The following CADPS variants were observed in gnomAD, a reference collection of about 807,000 sequenced individuals.
CADPS encodes calcium dependent secretion activator.
In CADPS, 57 loss-of-function variants were observed where a neutral mutation model predicts 167.3. The ratio of observed to expected loss-of-function variants is 0.34; its 90% CI spans 0.28 to 0.42. The LOEUF (loss-of-function observed/expected upper bound fraction) is 0.42, where lower values mean the gene tolerates loss of function less well. Among genes scored for constraint, CADPS ranks in the 20% least tolerant of loss-of-function variants. The probability of loss-of-function intolerance (pLI) is 1.00; values close to 1 mark genes in which losing one functional copy is unlikely to be tolerated. For missense variants in CADPS, 1,414 were observed against 1,738.1 expected (o/e 0.81, Z 3.32); for synonymous variants, 676 against 635.3 (o/e 1.06, Z -0.96).
chr3:62,474,167 T>TTTTTGTTTTTTTTTTTTTTG lies in CADPS; in HGVS notation c.3477+5_3477+6insCAAAAAAAAAAAAAACAAAA. 6.8e-7 allele frequency: 1 copy of TTTTTGTTTTTTTTTTTTTTG among 1,463,448 alleles called. No homozygotes were observed. The highest frequency in any genetic ancestry group is 9.1e-7 in the Non-Finnish European group (1 of 1,102,676). 90.7% of individuals were successfully genotyped at this position (1,463,448 alleles called of 1,614,324 possible). A position where few individuals can be genotyped will look rare whatever the true frequency, so the allele number is the denominator to read the frequency against. On this transcript the variant is annotated splice_donor_region_variant and intron_variant, in intron 24 of 29. Coordinates refer to ENST00000383710, the MANE Select transcript of CADPS (RefSeq NM_003716.4). ...AAAAAATCTGTATTTTTTTTTTTTT[T>TTTTTGTTTTTTTTTTTTTTG]TTTACCTCTTGGCCCATTTCCATGC... is the stretch of plus-strand genomic sequence containing the variant.
intron 13 of CADPS, among the ~76,000 whole-genome samples, chr3:62,524,576 A>G (rs1371082570): frequency 1.3e-5 from 2 of 152,208 alleles, no homozygotes; most frequent in Non-Finnish European, 2.9e-5. Context: ...GGGCAAAAAT[A>G]CACCAGTGAG....
intron 13 of CADPS, among the ~76,000 whole-genome samples, chr3:62,522,127 A>G (rs1423817526): frequency 2.0e-5 from 3 of 151,560 alleles, no homozygotes; most frequent in Non-Finnish European, 4.4e-5. Context: ...CTATCTATCT[A>G]TCTATCTATC....
At chr3:62,679,970 T>G (rs2076895832) in intron 3 of CADPS, among the ~76,000 whole-genome samples, 1 of 151,936 alleles carries the variant, frequency 6.6e-6, no homozygotes, top group African/African-American at 2.4e-5. Flanking sequence ...TATATAAAGA[T>G]CCTTCCATAA....
intron 3 of CADPS, among the ~76,000 whole-genome samples, chr3:62,674,351 G>A (rs1341456060): frequency 6.6e-6 from 1 of 152,084 alleles, no homozygotes; most frequent in Non-Finnish European, 1.5e-5. Context: ...CCAGTCCCAG[G>A]CTGATCATTA....
At chr3:62,622,798 A>C (rs1241094837) in intron 6 of CADPS, among the ~76,000 whole-genome samples, 1 of 152,288 alleles carries the variant, frequency 6.6e-6, no homozygotes, top group African/African-American at 2.4e-5. Context: ...AATGTTCCCT[A>C]AAGTTTGACA....
rs191992633 is a variant in CADPS, at chr3:62,862,057, C to T, written c.441+12532G>A. On this transcript the variant is annotated intron_variant, in intron 1 of 29. Transcript: ENST00000383710. ...ACTGGAGCCTTGGAACTCTCCAAGG[C>T]GCTAAAAAAAAAAATCCAAGATCCT... 3.6e-3 allele frequency among the ~76,000 whole-genome samples: 544 copies of T among 149,510 alleles called. 3 individuals are homozygous for T. Among genetic ancestry groups the T allele is most frequent in the African/African-American group, 0.012 (505 of 40,640 alleles).
chr3:62,614,535 T>A lies in CADPS; in HGVS notation c.1326-21787A>T, dbSNP rs547131891. 2.6e-5 allele frequency among the ~76,000 whole-genome samples: 4 copies of A among 152,322 alleles called. No homozygotes were observed. The East Asian group carries it at 7.7e-4, about 29-fold the overall frequency. ...ACACACTAAAAGCGTAGCTCCTTTATCTTGTCCCTTGCCTCAGTTTCAGGC... is the reference window on the plus strand; with the variant it reads ...ACACACTAAAAGCGTAGCTCCTTTAACTTGTCCCTTGCCTCAGTTTCAGGC... On this transcript the variant is annotated intron_variant, in intron 6 of 29. Coordinates refer to ENST00000383710, the MANE Select transcript of CADPS (RefSeq NM_003716.4).
chr3:62,664,510 G>C (rs1462262148), intron 3 of CADPS, among the ~76,000 whole-genome samples: 2 of 152,158 alleles, frequency 1.3e-5, no homozygotes, highest in Non-Finnish European at 2.9e-5. Context: ...GCTGTTTTTA[G>C]GTTCCAATGA....
At chr3:62,724,408 AAC>A (rs35641513) in intron 3 of CADPS, among the ~76,000 whole-genome samples, 34,027 of 152,060 alleles carry the variant, frequency 0.22, 4,032 homozygotes, top group African/African-American at 0.3. Flanking sequence ...AAGAAACAAT[AAC>A]AGTTTAAAAA....
chr3:62,795,557 C>T (rs1325128858), intron 1 of CADPS, among the ~76,000 whole-genome samples: 4 of 152,310 alleles, frequency 2.6e-5, no homozygotes, highest in South Asian at 2.1e-4. Flanking sequence ...AGGTCCATCT[C>T]GCTTTACCAA....
At chr3:62,451,944 G>A (rs2150093488) in intron 26 of CADPS, among the ~76,000 whole-genome samples, 1 of 152,216 alleles carries the variant, frequency 6.6e-6, no homozygotes, top group East Asian at 1.9e-4. Context: ...TCTCCTGTTG[G>A]TTTGATTTTT....
chr3:62,753,442 T>G lies in CADPS; in HGVS notation c.887A>C (p.Gln296Pro). ...AGGCCCAGGCGAGAAACACCTTACC[T>G]GGCAGGCATTGTAAAGGAGCTGATG... The part of the protein sequence containing the change: ...FEHQLLYNAC[Q>P]LDNPDEQAAQ... Residue 296 changes from glutamine to proline, a missense_variant and splice_region_variant, in exon 3 of 30, where the codon CAG becomes CCG. Around this residue, in one of 6 missense-constraint regions of CADPS, gnomAD observed 522 missense variants for 559.5 expected, o/e 0.93. Coordinates refer to ENST00000383710, the MANE Select transcript of CADPS (RefSeq NM_003716.4). The surrounding 1 kb of genome is among the most constrained non-coding windows in gnomAD (Gnocchi z 4.6). The G allele has an allele frequency of 6.2e-7, 1 of 1,605,212 alleles. No individual in the cohort carries two copies. The highest frequency in any genetic ancestry group is 8.5e-7 in the Non-Finnish European group (1 of 1,173,584).
intron 1 of CADPS, among the ~76,000 whole-genome samples, chr3:62,790,120 A>C (rs2092804148): frequency 6.6e-6 from 1 of 152,192 alleles, no homozygotes; most frequent in Non-Finnish European, 1.5e-5. Context: ...ATGAAATAAT[A>C]CTTCAGACAC....
At chr3:62,453,563 T>C (rs2058334054) in intron 26 of CADPS, among the ~76,000 whole-genome samples, 1 of 152,160 alleles carries the variant, frequency 6.6e-6, no homozygotes, top group Non-Finnish European at 1.5e-5. Flanking sequence ...GGAAGATGAA[T>C]AAATTTTAAG....
At chr3:62,431,419 T>A (rs887627959) in intron 28 of CADPS, among the ~76,000 whole-genome samples, 3 of 152,068 alleles carry the variant, frequency 2.0e-5, no homozygotes. Context: ...TTTTTTAAAC[T>A]AGCTTCAGAA....
At chr3:62,418,122 G>T (rs1341947312) in intron 28 of CADPS, among the ~76,000 whole-genome samples, 2 of 151,930 alleles carry the variant, frequency 1.3e-5, no homozygotes, top group Non-Finnish European at 2.9e-5. Context: ...AAGAAGTAAT[G>T]ACTTGTTAAA....
In CADPS at chr3:62,446,054, C is replaced by G. The variant is rs2057172788; in HGVS notation, c.3637-257G>C. Among the ~76,000 whole-genome samples, 1 of 152,182 alleles carries G rather than the reference C, an allele frequency of 6.6e-6. No homozygotes were observed. Among genetic ancestry groups the G allele is most frequent in the Admixed American group, 6.5e-5 (1 of 15,276 alleles). On this transcript the variant is annotated intron_variant, in intron 26 of 29. Transcript: ENST00000383710. The surrounding 1 kb of genome is among the most constrained non-coding windows in gnomAD (Gnocchi z 4.9). ...TGGAGCGGGAGCTTTACATTTTCCT[C>G]CCTCCCTCTGAAAAAAAGTAAAGTG... is the stretch of plus-strand genomic sequence containing the variant.
chr3:62,580,748 G>A (rs1371132986), intron 8 of CADPS, among the ~76,000 whole-genome samples: 1 of 152,164 alleles, frequency 6.6e-6, no homozygotes, highest in African/African-American at 2.4e-5. Context: ...GTAAGAGAAT[G>A]TGTGCCTTGC....
At chr3:62,749,902 C>T (rs11720872) in intron 3 of CADPS, among the ~76,000 whole-genome samples, 30,405 of 152,180 alleles carry the variant, frequency 0.2, 3,334 homozygotes, top group Middle Eastern at 0.29. Context: ...GTGTCTTCTG[C>T]ATCACTGTGG....
Sources: allele counts gnomAD v4.1 joint callset (sites outside exome capture counted in the v4.1 genomes callset), GRCh38; gene constraint gnomAD v4.1.1; regional missense constraint gnomAD v4.1.1; non-coding constraint Gnocchi (gnomAD v3.1); transcripts MANE v1.5; gene names NCBI Gene and HGNC (gene_info 2026-07-23, HGNC 2026-07-21).